ADARB2: variants seen among roughly 807,000 people sequenced by gnomAD.
ADARB2 encodes inactive double-stranded RNA-specific editase B2.
Under a neutral mutation model 62.2 loss-of-function variants are expected in ADARB2, and 25 were observed. The observed-to-expected ratio is 0.40, with a 90% CI of 0.29 to 0.56. The LOEUF (loss-of-function observed/expected upper bound fraction) is 0.56. Among genes scored for constraint, ADARB2 ranks in the 20% least tolerant of loss-of-function variants. The probability of loss-of-function intolerance (pLI) is 0.43; values close to 1 mark genes in which losing one functional copy is unlikely to be tolerated. For missense variants in ADARB2, 1,071 were observed against 1,077.4 expected, an observed-to-expected ratio of 0.99 and a Z score of 0.08; for synonymous variants, 572 against 500.8, an observed-to-expected ratio of 1.14 and a Z score of -1.90.
chr10:1,509,794 G>T (rs950164149), intron 1 of ADARB2, among the ~76,000 whole-genome samples: 3 of 152,224 alleles, frequency 2.0e-5, no homozygotes, highest in Non-Finnish European at 4.4e-5. Context: ...ATGGAAAGGG[G>T]AATTCAGATG....
chr10:1,263,634 G>A (rs1246483420), intron 4 of ADARB2, among the ~76,000 whole-genome samples: 1 of 152,178 alleles, frequency 6.6e-6, no homozygotes, highest in Admixed American at 6.5e-5. Context: ...TAGACCTTGA[G>A]AGTGTAGCAA....
In ADARB2 at chr10:1,220,346, ATTG is replaced by A. The variant is rs760787170; in HGVS notation, c.1514-3230_1514-3228del. Among the ~76,000 whole-genome samples the A allele has an allele frequency of 2.5e-4, 26 of 103,964 alleles. 1 individual carries two copies. The highest frequency in any genetic ancestry group is 1.4e-3 in the South Asian group (4 of 2,952). The allele number at this position is 103,964 out of a possible 152,430, so 68.2% of individuals were successfully genotyped here. A position where few individuals can be genotyped will look rare whatever the true frequency, so the allele number is the denominator to read the frequency against. On this transcript the variant is annotated intron_variant, in intron 6 of 9. Transcript: ENST00000381312. Reference sequence around the variant, plus strand: ...ATGGTGGTGGTGATGGATGATGGTGATTGTGGTGATGATGGTGATGATGATGGT... The same window carrying A: ...ATGGTGGTGGTGATGGATGATGGTGATGGTGATGATGGTGATGATGATGGT...
At chr10:1,474,720 A>C (rs1308230415) in intron 1 of ADARB2, among the ~76,000 whole-genome samples, 1 of 152,112 alleles carries the variant, frequency 6.6e-6, no homozygotes, top group Non-Finnish European at 1.5e-5. Flanking sequence ...GTGGGAATGG[A>C]TGAGCCCCAG....
At chr10:1,231,041 C>T (rs80329417) in intron 6 of ADARB2, among the ~76,000 whole-genome samples, 3 of 152,182 alleles carry the variant, frequency 2.0e-5, no homozygotes, top group African/African-American at 7.2e-5. Context: ...GGAGAGGCTG[C>T]AGTTGGTGAT....
chr10:1,611,890 G>C (rs1029883568), intron 1 of ADARB2, among the ~76,000 whole-genome samples: 3 of 152,158 alleles, frequency 2.0e-5, no homozygotes, highest in Non-Finnish European at 2.9e-5. Flanking sequence ...ATGCACCCCA[G>C]ATGCGTGGTG....
intron 3 of ADARB2, among the ~76,000 whole-genome samples, chr10:1,346,027 C>A (rs905049635): frequency 6.6e-5 from 10 of 152,220 alleles, no homozygotes; most frequent in South Asian, 4.2e-4. Flanking sequence ...GTATTATCAT[C>A]ATGATCAGAA....
At chr10:1,734,092 T>C (rs1182757453) in intron 1 of ADARB2, among the ~76,000 whole-genome samples, 1 of 152,112 alleles carries the variant, frequency 6.6e-6, no homozygotes, top group East Asian at 1.9e-4. Context: ...TTAAACCATT[T>C]ATGAATAATT....
rs574933139 is a variant in ADARB2 at position 1,347,641 on chromosome 10, T to C, written c.1077+15387A>G. Among the ~76,000 whole-genome samples the C allele has an allele frequency of 6.6e-5, 10 of 152,142 alleles. No homozygotes were observed. In the South Asian group the frequency reaches 1.2e-3, roughly 19 times the overall value. On this transcript the variant is annotated intron_variant, in intron 3 of 9. Coordinates refer to ENST00000381312, the MANE Select transcript of ADARB2 (RefSeq NM_018702.4). ...CCCTCACCTCAGCTCTTCACGCCCA[T>C]CGGCTACGAGACCCTCAGTAAGACC...
intron 3 of ADARB2, among the ~76,000 whole-genome samples, chr10:1,340,800 C>T (rs1256404543): frequency 3.0e-4 from 28 of 94,432 alleles, no homozygotes; most frequent in South Asian, 1.1e-3. Context: ...GAGAACCACG[C>T]GCCCCACAGC....
intron 1 of ADARB2, among the ~76,000 whole-genome samples, chr10:1,401,456 CATGGAGGGCA>C (rs1249620623): frequency 3.3e-5 from 5 of 152,156 alleles, no homozygotes; most frequent in African/African-American, 1.2e-4. Flanking sequence ...CAGGACTGAC[CATGGAGGGCA>C]GGTGCCAGCG....
intron 2 of ADARB2, among the ~76,000 whole-genome samples, chr10:1,377,601 G>A (rs1832445662): frequency 6.6e-6 from 1 of 152,090 alleles, no homozygotes; most frequent in South Asian, 2.1e-4. Flanking sequence ...CAGAAGTAGT[G>A]ATCAATAAAT....
chr10:1,682,980 G>A (rs942768168), intron 1 of ADARB2, among the ~76,000 whole-genome samples: 2 of 152,164 alleles, frequency 1.3e-5, no homozygotes, highest in African/African-American at 4.8e-5. Flanking sequence ...GCACCGCGGA[G>A]GTGGGCTAAG....
rs79840742 is a variant in ADARB2, at chr10:1,685,935, G to A, written c.100+51116C>T. On this transcript the variant is annotated intron_variant, in intron 1 of 9. Coordinates refer to ENST00000381312, the MANE Select transcript of ADARB2 (RefSeq NM_018702.4). Reference sequence around the variant, plus strand: ...GGTGGCCTCTGCCCGGGACGGATGGGCTGCAATGTGGACTCTGCCTGGCTT... The same window carrying A: ...GGTGGCCTCTGCCCGGGACGGATGGACTGCAATGTGGACTCTGCCTGGCTT... 6.6e-3 allele frequency among the ~76,000 whole-genome samples: 1,011 copies of A among 152,314 alleles called. 10 individuals carry two copies. Among genetic ancestry groups the A allele is most frequent in the African/African-American group, 0.024 (977 of 41,558 alleles).
intron 1 of ADARB2, among the ~76,000 whole-genome samples, chr10:1,659,506 G>C (rs1367231960): frequency 2.0e-5 from 3 of 152,250 alleles, no homozygotes; most frequent in Non-Finnish European, 2.9e-5. Flanking sequence ...TCCCTGGAAG[G>C]AGCCTGGAGC....
intron 1 of ADARB2, among the ~76,000 whole-genome samples, chr10:1,528,476 G>T (rs990672947): frequency 6.6e-6 from 1 of 152,208 alleles, no homozygotes; most frequent in African/African-American, 2.4e-5. Flanking sequence ...CCAAAGTACT[G>T]CTGATGATAA....
intron 6 of ADARB2, among the ~76,000 whole-genome samples, chr10:1,221,703 T>C (rs2131759304): frequency 6.6e-6 from 1 of 152,290 alleles, no homozygotes; most frequent in South Asian, 2.1e-4. Flanking sequence ...TTGCTGAGAA[T>C]GATGGTTTCC....
At chr10:1,572,056 G>A (rs111902655) in intron 1 of ADARB2, among the ~76,000 whole-genome samples, 1 of 127,734 alleles carries the variant, frequency 7.8e-6, no homozygotes, top group African/African-American at 2.8e-5. Flanking sequence ...AGTGGACAGG[G>A]GAGTGTGCAG....
At chr10:1,485,868 C>T (rs1258903867) in intron 1 of ADARB2, among the ~76,000 whole-genome samples, 2 of 152,188 alleles carry the variant, frequency 1.3e-5, no homozygotes, top group Non-Finnish European at 2.9e-5. Context: ...AAATATTGGC[C>T]TTGGCTTGGA....
intron 3 of ADARB2, among the ~76,000 whole-genome samples, chr10:1,316,611 A>G (rs914765357): frequency 6.6e-6 from 1 of 152,224 alleles, no homozygotes; most frequent in Non-Finnish European, 1.5e-5. Flanking sequence ...TTATGTATTC[A>G]GAGCAGTACT....
Sources: gnomAD v4.1 joint callset for allele counts (sites outside exome capture counted in the v4.1 genomes callset) on GRCh38, gnomAD v4.1.1 for gene constraint, MANE v1.5 for transcripts, NCBI Gene and HGNC (gene_info 2026-07-23, HGNC 2026-07-21) for gene names.